The following SYNE2 variants were observed in gnomAD, a reference collection of about 807,000 sequenced individuals.
SYNE2 encodes spectrin repeat containing nuclear envelope protein 2.
A neutral mutation model predicts 856.3 loss-of-function variants in SYNE2; 431 were observed. The ratio of observed to expected loss-of-function variants is 0.50; its 90% confidence interval spans 0.47 to 0.55. The LOEUF (loss-of-function observed/expected upper bound fraction) is 0.55, where lower values mean the gene tolerates loss of function less well. Ranked by LOEUF, SYNE2 falls within the 20% of genes least tolerant of loss-of-function variation. SYNE2 has a pLI of 0.00. For synonymous variants in SYNE2, 2,923 were observed against 2,872.3 expected (o/e 1.02, Z -0.56); for missense variants, 8,129 against 8,023.2 (o/e 1.01, Z -0.50).
At chr14:63,813,997 G>A (rs997148496) in intron 1 of SYNE2, among the ~76,000 whole-genome samples, 1 of 152,078 alleles carries the variant, frequency 6.6e-6, no homozygotes, top group Non-Finnish European at 1.5e-5. Flanking sequence ...GGCAGAGGTT[G>A]CAGTAAGCCG....
At chr14:64,151,267 T>G (rs1254632666) in intron 84 of SYNE2, among the ~76,000 whole-genome samples, 2 of 151,926 alleles carry the variant, frequency 1.3e-5, no homozygotes, top group African/African-American at 4.8e-5. Context: ...TCTGGCAGTT[T>G]TGCGGGACTG....
At chr14:64,212,479 G>A (rs953800226) in intron 104 of SYNE2, among the ~76,000 whole-genome samples, 6 of 152,192 alleles carry the variant, frequency 3.9e-5, no homozygotes, top group Admixed American at 1.3e-4. Flanking sequence ...ATGCCCATTC[G>A]TGGCTTATTA....
At chr14:63,926,025 G>A (rs2095660218) in intron 2 of SYNE2, among the ~76,000 whole-genome samples, 1 of 151,472 alleles carries the variant, frequency 6.6e-6, no homozygotes, top group Non-Finnish European at 1.5e-5. Flanking sequence ...ATATTTTTTT[G>A]TGGAGACCTG....
At chr14:64,081,733 G>T (rs2097525401) in intron 57 of SYNE2, among the ~76,000 whole-genome samples, 153 bp downstream of exon 57, 1 of 152,094 alleles carries the variant, frequency 6.6e-6, no homozygotes, top group African/African-American at 2.4e-5. Flanking sequence ...AGAGTGGCAA[G>T]CAGTAGACAT....
At chr14:64,077,951 G>A (rs1033756174) in intron 54 of SYNE2, among the ~76,000 whole-genome samples, 1 of 152,118 alleles carries the variant, frequency 6.6e-6, no homozygotes, top group African/African-American at 2.4e-5. Context: ...TCAAGAAATA[G>A]CAATTTTAGA....
intron 1 of SYNE2, among the ~76,000 whole-genome samples, chr14:63,872,678 C>T (rs1044885542): frequency 6.4e-5 from 9 of 141,724 alleles, no homozygotes; most frequent in African/African-American, 2.1e-4. Flanking sequence ...AGGAGAATCG[C>T]TTGAAACCGG....
At chr14:64,223,531 T>A in intron 113 of SYNE2, 151 bp downstream of exon 113, 1 of 770,176 alleles carries the variant, frequency 1.3e-6, no homozygotes, top group Middle Eastern at 3.6e-4. Flanking sequence ...TCTAGCTGTG[T>A]GGACTTAAAG....
intron 106 of SYNE2, 84 bp downstream of exon 106, chr14:64,214,554 G>A: frequency 7.3e-7 from 1 of 1,362,562 alleles, no homozygotes; most frequent in Non-Finnish European, 1.0e-6. Flanking sequence ...AGCTCTCAAT[G>A]ACCAAGAGTC....
chr14:64,155,505 A>G (rs1044229817), intron 85 of SYNE2, among the ~76,000 whole-genome samples: 1 of 152,148 alleles, frequency 6.6e-6, no homozygotes, highest in African/African-American at 2.4e-5. Context: ...AAATGTTCTA[A>G]AATTGATTAT....
At chr14:64,077,040 A>C (rs1359600744) in intron 54 of SYNE2, among the ~76,000 whole-genome samples, 2 of 152,156 alleles carry the variant, frequency 1.3e-5, no homozygotes, top group African/African-American at 4.8e-5. Flanking sequence ...TATGCTCATG[A>C]ATACTTATGA....
chr14:63,842,462 C>CTT (rs111976320), intron 1 of SYNE2, among the ~76,000 whole-genome samples: 168 of 148,112 alleles, frequency 1.1e-3, no homozygotes, highest in Admixed American at 1.9e-3. Context: ...TTCTTTTTCT[C>CTT]CTTTTTTTTT....
chr14:63,865,716 C>CA (rs1181356797), intron 1 of SYNE2, among the ~76,000 whole-genome samples: 3 of 102,698 alleles, frequency 2.9e-5, no homozygotes, highest in Non-Finnish European at 5.9e-5. Flanking sequence ...CTGTACCCAC[C>CA]CCCCCCCCAA....
chr14:64,164,742 A>G (rs1029480665), intron 89 of SYNE2, among the ~76,000 whole-genome samples: 1 of 152,210 alleles, frequency 6.6e-6, no homozygotes, highest in African/African-American at 2.4e-5. Flanking sequence ...TGATCTGTCC[A>G]TTTGGGAAGG....
At chr14:63,933,347 A>G (rs1342331821) in intron 2 of SYNE2, among the ~76,000 whole-genome samples, 1 of 152,196 alleles carries the variant, frequency 6.6e-6, no homozygotes, top group Non-Finnish European at 1.5e-5. Context: ...TAGCCATGGT[A>G]GTTTCATAAT....
intron 47 of SYNE2, 95 bp from the exon 48 acceptor site, chr14:64,051,462 A>G: frequency 1.7e-6 from 2 of 1,198,942 alleles, no homozygotes; most frequent in Non-Finnish European, 2.3e-6. Context: ...CTGTGAATTT[A>G]GAGCAGAATT....
chr14:64,122,543 C>G (rs983020863), intron 70 of SYNE2, 116 bp downstream of exon 70: 1 of 1,361,894 alleles, frequency 7.3e-7, no homozygotes, highest in African/African-American at 1.4e-5. Context: ...GAGTTTTTTA[C>G]TTGGCTGATA....
At position 64,224,501 on chromosome 14, in the gene SYNE2, C is replaced by T. The variant is rs372922867; in HGVS notation, c.20423C>T (p.Ser6808Leu). ...CTGCCCAGCTTCGACGAGGTAGACTCGGGGGACCAGCCTCCTGCAACATCC... is the reference window on the plus strand; with the variant it reads ...CTGCCCAGCTTCGACGAGGTAGACTTGGGGGACCAGCCTCCTGCAACATCC... Reference protein sequence around the residue: ...SPLPSFDEVDSGDQPPATSVP... With the variant: ...SPLPSFDEVDLGDQPPATSVP... Residue 6808 changes from serine to leucine, a missense_variant, in exon 114 of 116, where the codon TCG (serine) becomes TTG (leucine). By Grantham distance (145) the Ser-to-Leu change is moderately radical. Coordinates refer to ENST00000555002, the MANE Select transcript of SYNE2 (RefSeq NM_182914.3). 1.5e-4 allele frequency: 244 copies of T among 1,614,092 alleles called. 4 individuals are homozygous for T. The East Asian group carries it at 1.9e-3, about 13-fold the overall frequency.
intron 21 of SYNE2, among the ~76,000 whole-genome samples, chr14:63,993,032 G>C (rs1371126313): frequency 6.6e-6 from 1 of 152,112 alleles, no homozygotes; most frequent in Non-Finnish European, 1.5e-5. Context: ...TAGTTACCTA[G>C]GCCAGGTTTC....
Position 64,159,356 on chromosome 14 carries a change from A to G in SYNE2, c.16008A>G (p.Lys5336=). 6.2e-7 allele frequency: 1 copy of G among 1,613,830 alleles called. No individual in the cohort carries two copies. Among genetic ancestry groups the G allele is most frequent in the Non-Finnish European group, 8.5e-7 (1 of 1,179,862 alleles). The change falls in exon 87 of 116, where the codon AAA becomes AAG. Residue 5336 remains lysine, a synonymous_variant. Coordinates refer to ENST00000555002, the MANE Select transcript of SYNE2 (RefSeq NM_182914.3). ...EAESSEGSWE[K]LQEVIGKLKG... is the part of the protein sequence containing the mutation. ...AGAGCAGTGAAGGGAGTTGGGAGAA[A>G]CTCCAGGAGGTTATCGGCAAACTCA...
Sources: allele counts gnomAD v4.1 joint callset (sites outside exome capture counted in the v4.1 genomes callset), GRCh38; gene constraint gnomAD v4.1.1; transcripts MANE v1.5; gene names NCBI Gene and HGNC (gene_info 2026-07-23, HGNC 2026-07-21).